Variants in SLC25A41 observed in about 807,000 individuals in gnomAD.
SLC25A41 encodes solute carrier family 25 member 41, also known as mitochondrial carrier protein SCaMC-3L.
In SLC25A41, 35 loss-of-function variants were observed where a neutral mutation model predicts 34.7. That is an observed-to-expected ratio of 1.01 (90% CI 0.77 to 1.34). The LOEUF (loss-of-function observed/expected upper bound fraction) is 1.34. Ranked by LOEUF, SLC25A41 falls within the 40% of genes most tolerant of loss-of-function variation. The probability of loss-of-function intolerance (pLI) is 0.00; values close to 1 mark genes in which losing one functional copy is unlikely to be tolerated. For missense variants in SLC25A41, 492 were observed against 489.8 expected, an observed-to-expected ratio of 1.00 and a Z score of -0.04; for synonymous variants, 190 against 209.9, an observed-to-expected ratio of 0.91 and a Z score of 0.82.
In SLC25A41 at chr19:6,426,121, G is replaced by T. The variant is rs2092238035; in HGVS notation, c.*268C>A. The T allele has an allele frequency of 4.3e-6, 2 of 459,770 alleles. No homozygotes were observed. Among genetic ancestry groups the T allele is most frequent in the African/African-American group, 1.9e-5 (1 of 51,874 alleles). 28.5% of individuals were successfully genotyped at this position (459,770 alleles called of 1,614,324 possible). ...AGCCAGGACGACCCACAAGGGGCCA[G>T]ACTGGAGTCCACGTTTCTTGTCTCA... is the stretch of plus-strand genomic sequence containing the variant. On this transcript the variant is annotated 3_prime_UTR_variant, in exon 7 of 7. Transcript: ENST00000321510.
At chr19:6,434,183 T>A (rs532391892), upstream of SLC25A41, among the ~76,000 whole-genome samples, 4 of 152,112 alleles carry the variant, frequency 2.6e-5, no homozygotes, top group Non-Finnish European at 5.9e-5. Context: ...GACCTCATGA[T>A]CTGCCCACCT....
chr19:6,426,909 A>T (rs2092244500), intron 6 of SLC25A41, among the ~76,000 whole-genome samples, 194 bp downstream of exon 6: 1 of 152,186 alleles, frequency 6.6e-6, no homozygotes, highest in African/African-American at 2.4e-5. Flanking sequence ...AGTAGCTGGG[A>T]CCACAGGTCC....
chr19:6,426,931 C>A (rs2092244572), intron 6 of SLC25A41, among the ~76,000 whole-genome samples, 172 bp downstream of exon 6: 1 of 152,092 alleles, frequency 6.6e-6, no homozygotes, highest in Non-Finnish European at 1.5e-5. Flanking sequence ...TACTACCATG[C>A]CTGGCTAATT....
intron 2 of SLC25A41, among the ~76,000 whole-genome samples, chr19:6,430,786 C>T (rs149439370): frequency 6.6e-6 from 1 of 152,022 alleles, no homozygotes; most frequent in African/African-American, 2.4e-5. Flanking sequence ...CCGCGCCTGG[C>T]CTTCTTTTCC....
chr19:6,431,200 C>T (rs2092284227), intron 2 of SLC25A41, among the ~76,000 whole-genome samples: 1 of 151,968 alleles, frequency 6.6e-6, no homozygotes, highest in South Asian at 2.1e-4. Flanking sequence ...TGGTCTCAAA[C>T]TCCTAAGCTC....
rs2092241805 is a variant in SLC25A41, at chr19:6,426,498, C to T, written c.1004G>A (p.Gly335Asp). 1.2e-6 allele frequency: 2 copies of T among 1,613,474 alleles called. No homozygotes were observed. Among genetic ancestry groups the T allele is most frequent in the Non-Finnish European group, 1.7e-6 (2 of 1,179,856 alleles). Residue 335 changes from glycine to aspartate, a missense_variant, in exon 7 of 7, where the codon GGC (glycine) becomes GAC (aspartate). Transcript: ENST00000321510. ...CATGCCTCGGTACAGCCCTAGCCAG[C>T]CCTGCTGGGCCAGGATCCGCTGGAG... is the stretch of plus-strand genomic sequence containing the variant. Reference protein sequence around the residue: ...GVLQRILAQQGWLGLYRGMTP... With the variant: ...GVLQRILAQQDWLGLYRGMTP...
At chr19:6,433,994 A>C (rs1378709300), upstream of SLC25A41, among the ~76,000 whole-genome samples, 1 of 152,154 alleles carries the variant, frequency 6.6e-6, no homozygotes, top group Non-Finnish European at 1.5e-5. Context: ...CCCAGGCTGG[A>C]GTGCAGTGGC....
chr19:6,434,402 T>C (rs566391610), upstream of SLC25A41, among the ~76,000 whole-genome samples: 1 of 152,296 alleles, frequency 6.6e-6, no homozygotes, highest in Admixed American at 6.5e-5. Context: ...TTTCTCTCTC[T>C]CTGTCTGCCA....
intron 1 of SLC25A41, among the ~76,000 whole-genome samples, chr19:6,433,201 A>G (rs945689371): frequency 6.6e-6 from 1 of 151,562 alleles, no homozygotes; most frequent in Non-Finnish European, 1.5e-5. Context: ...GGCGCCAACC[A>G]CCATGCCTGG....
chr19:6,429,918 G>A lies in SLC25A41; in HGVS notation c.517-87C>T, dbSNP rs1010131851. Reference sequence around the variant, plus strand: ...AGGGAAGAGGCCTGGGGTCTGGAGGGTGAGTGTGTGCTTGAACAAGGGCCT... The same window carrying A: ...AGGGAAGAGGCCTGGGGTCTGGAGGATGAGTGTGTGCTTGAACAAGGGCCT... On this transcript the variant is annotated intron_variant, in intron 3 of 6. Transcript: ENST00000321510. 5.7e-6 allele frequency: 9 copies of A among 1,588,094 alleles called. No individual in the cohort carries two copies. The African/African-American group carries it at 1.1e-4, about 19-fold the overall frequency.
rs868319810 is a variant in SLC25A41 at position 6,429,952 on chromosome 19, G to A, written c.516+57C>T. On this transcript the variant is annotated intron_variant, in intron 3 of 6. Transcript: ENST00000321510. ...TGCTTGAACAAGGGCCTGGAGTTTT[G>A]GGGGCATGGGAGGGGTTTGGGCTTG... 1.9e-5 allele frequency: 31 copies of A among 1,596,756 alleles called. No individual in the cohort carries two copies. In the Middle Eastern group the frequency reaches 4.9e-4, roughly 25 times the overall value.
chr19:6,430,284 T>A (rs1274054047), intron 2 of SLC25A41, 123 bp from the exon 3 acceptor site: 31 of 1,101,504 alleles, frequency 2.8e-5, no homozygotes, highest in Non-Finnish European at 3.6e-5. Flanking sequence ...CCCCATCCCA[T>A]CCCCATTCCT....
intron 1 of SLC25A41, 84 bp downstream of exon 1, chr19:6,433,403 G>C (rs1223247289): frequency 7.4e-7 from 1 of 1,353,230 alleles, no homozygotes; most frequent in African/African-American, 1.4e-5. Context: ...GCAGGGGAGT[G>C]GGCCTGTAGA....
At position 6,427,420 on chromosome 19, in the gene SLC25A41, C is replaced by G. The variant is rs765975165; in HGVS notation, c.706G>C (p.Glu236Gln). 6.2e-7 allele frequency: 1 copy of G among 1,609,682 alleles called. No individual in the cohort carries two copies. The highest frequency in any genetic ancestry group is 8.5e-7 in the Non-Finnish European group (1 of 1,178,158). The change falls in exon 5 of 7, where the codon GAG becomes CAG. Residue 236 changes from glutamate (E) to glutamine (Q), a missense_variant. By Grantham distance (29) the Glu-to-Gln change is conservative. Transcript: ENST00000321510. This position sits in a 1 kb window ranked among gnomAD's most constrained non-coding sequence, Gnocchi z 4.9. ...CCGCGGTAAAGGGCGCGGGTGCCCT[C>G]TCGCTGCAAGATCTGCCTGGCGCAG... ...LDCARQILQR[E>Q]GTRALYRGYL...
chr19:6,429,137 T>TATATAATATATATATTATATATATGTTAC, intron 4 of SLC25A41, among the ~76,000 whole-genome samples: 1 of 57,362 alleles, frequency 1.7e-5, no homozygotes, highest in Non-Finnish European at 2.8e-5. Flanking sequence ...ATGTTATATA[T>TATATAATATATATATTATATATATGTTAC]ATATATAATA....
rs1345731498 is a variant in SLC25A41, at chr19:6,429,038, T to A, written c.624+686A>T. 6.6e-3 allele frequency among the ~76,000 whole-genome samples: 232 copies of A among 34,940 alleles called. 16 individuals carry two copies. The highest frequency in any genetic ancestry group is 9.6e-3 in the South Asian group (14 of 1,464). 22.9% of individuals were successfully genotyped at this position (34,940 alleles called of 152,430 possible). On this transcript the variant is annotated intron_variant, in intron 4 of 6. Coordinates refer to ENST00000321510, the MANE Select transcript of SLC25A41 (RefSeq NM_173637.4). Reference sequence around the variant, plus strand: ...GCCTGAAAATTTATATATATATATATAATATATATATTATATATATGTTAT... The same window carrying A: ...GCCTGAAAATTTATATATATATATAAAATATATATATTATATATATGTTAT...
chr19:6,432,458 G>T, intron 1 of SLC25A41, among the ~76,000 whole-genome samples: 1 of 139,054 alleles, frequency 7.2e-6, no homozygotes, highest in African/African-American at 2.7e-5. Flanking sequence ...TTATAGGCAT[G>T]CACCACAACA....
Position 6,430,180 on chromosome 19 carries a change from C to T in SLC25A41, c.364-19G>A. 6.2e-7 allele frequency: 1 copy of T among 1,600,564 alleles called. No individual in the cohort carries two copies. Among genetic ancestry groups the T allele is most frequent in the Non-Finnish European group, 8.5e-7 (1 of 1,173,230 alleles). On this transcript the variant is annotated intron_variant, in intron 2 of 6. Transcript: ENST00000321510. ...AGTAGACCTGGGTGGAGGGAGGACCCTGGAGGAGCCCCTGCTCGCCTCTGT... is the reference window on the plus strand; with the variant it reads ...AGTAGACCTGGGTGGAGGGAGGACCTTGGAGGAGCCCCTGCTCGCCTCTGT...
chr19:6,431,302 T>G (rs1048759000), intron 2 of SLC25A41, among the ~76,000 whole-genome samples: 2 of 149,256 alleles, frequency 1.3e-5, no homozygotes, highest in Admixed American at 1.3e-4. Context: ...CAGGCTGGAG[T>G]TTGTGGCATG....
Sources: allele counts gnomAD v4.1 joint callset (sites outside exome capture counted in the v4.1 genomes callset), GRCh38; gene constraint gnomAD v4.1.1; non-coding constraint Gnocchi (gnomAD v3.1); transcripts MANE v1.5; gene names NCBI Gene and HGNC (gene_info 2026-07-23, HGNC 2026-07-21).